BAZ2B: variants seen among roughly 807,000 people sequenced by gnomAD.
BAZ2B encodes bromodomain adjacent to zinc finger domain 2B.
A neutral mutation model predicts 246.0 loss-of-function variants in BAZ2B; 91 were observed. That is an observed-to-expected ratio of 0.37 (90% CI 0.31 to 0.44). BAZ2B has a LOEUF of 0.44. BAZ2B is among the 20% of genes least tolerant of loss of function. BAZ2B has a pLI of 1.00. For missense variants in BAZ2B, 2,332 were observed against 2,533.7 expected (o/e 0.92, Z 1.71); for synonymous variants, 855 against 860.0 (o/e 0.99, Z 0.10).
chr2:159,415,949 G>A (rs912353199), intron 13 of BAZ2B, among the ~76,000 whole-genome samples: 8 of 152,142 alleles, frequency 5.3e-5, no homozygotes, highest in South Asian at 2.1e-4. Context: ...TACAATTGAG[G>A]AAATTCAGGC....
chr2:159,454,906 A>AT (rs1414185036), intron 3 of BAZ2B, among the ~76,000 whole-genome samples: 1 of 152,192 alleles, frequency 6.6e-6, no homozygotes, highest in African/African-American at 2.4e-5. Context: ...ATGTTATATG[A>AT]TAAAAACATG....
chr2:159,386,642 C>T (rs1461099053), intron 21 of BAZ2B, 35 bp from the exon 22 acceptor site: 2 of 1,529,092 alleles, frequency 1.3e-6, no homozygotes, highest in Admixed American at 2.3e-5. Context: ...AAAATAAAAA[C>T]AGCTTAATTT....
At chr2:159,633,628 C>T in the BAZ2B span, among the ~76,000 whole-genome samples, 9 of 151,726 alleles carry the variant, frequency 5.9e-5, no homozygotes, top group African/African-American at 2.2e-4. Flanking sequence ...ATGTTTTTAT[C>T]TCATATCTGA....
chr2:159,445,327 C>T (rs139489665), intron 6 of BAZ2B, among the ~76,000 whole-genome samples: 144 of 152,220 alleles, frequency 9.5e-4, no homozygotes, highest in African/African-American at 3.2e-3. Context: ...AATAAAGTGA[C>T]CTCTAAATAA....
chr2:159,328,787 T>C (rs2064171201), intron 34 of BAZ2B, among the ~76,000 whole-genome samples: 1 of 152,278 alleles, frequency 6.6e-6, no homozygotes, highest in South Asian at 2.1e-4. Flanking sequence ...TGGCCCTCCA[T>C]ATCTGCAGGT....
At chr2:159,325,112 ATATTTTATATATATATATATATATAT>A (rs2063458929) in intron 35 of BAZ2B, among the ~76,000 whole-genome samples, 158 bp from the exon 36 acceptor site, 2 of 5,728 alleles carry the variant, frequency 3.5e-4, no homozygotes, top group African/African-American at 1.7e-3. Context: ...ATATATATAT[ATATTTTATATATATATATATATATAT>A]ATATATATAT....
At chr2:159,573,536 G>A (rs1325902975) in intron 1 of BAZ2B, among the ~76,000 whole-genome samples, 5 of 152,108 alleles carry the variant, frequency 3.3e-5, no homozygotes, top group Admixed American at 6.6e-5. Flanking sequence ...TGACCCAAAC[G>A]TAAGAGGTAA....
At chr2:159,567,387 C>T (rs913102376) in intron 1 of BAZ2B, among the ~76,000 whole-genome samples, 2 of 152,076 alleles carry the variant, frequency 1.3e-5, no homozygotes, top group Non-Finnish European at 2.9e-5. Context: ...TTACAGTATT[C>T]ATAAGGTAAA....
At chr2:159,570,027 T>C (rs1683573544) in intron 1 of BAZ2B, among the ~76,000 whole-genome samples, 1 of 152,204 alleles carries the variant, frequency 6.6e-6, no homozygotes, top group South Asian at 2.1e-4. Context: ...AACTAAGTTG[T>C]ATATATTATC....
intron 13 of BAZ2B, among the ~76,000 whole-genome samples, chr2:159,423,984 G>C (rs1044965245): frequency 6.6e-6 from 1 of 152,002 alleles, no homozygotes; most frequent in Admixed American, 6.5e-5. Flanking sequence ...TAGCAAACCT[G>C]TACACGTACC....
chr2:159,648,243 T>G, the BAZ2B span, among the ~76,000 whole-genome samples: 3 of 152,156 alleles, frequency 2.0e-5, no homozygotes, highest in Admixed American at 6.5e-5. Flanking sequence ...GTTTAAGAGA[T>G]TCTCCTGCCT....
chr2:159,598,858 G>GTAAA (rs1166875028), intron 1 of BAZ2B, among the ~76,000 whole-genome samples: 2 of 151,850 alleles, frequency 1.3e-5, no homozygotes, highest in African/African-American at 4.8e-5. Flanking sequence ...ACAAAAATAA[G>GTAAA]TAAATAAATA....
At chr2:159,500,821 G>C (rs1275033625) in intron 2 of BAZ2B, among the ~76,000 whole-genome samples, 1 of 151,808 alleles carries the variant, frequency 6.6e-6, no homozygotes, top group Non-Finnish European at 1.5e-5. Context: ...GGATGTGGTG[G>C]TGCATGCCTG....
At chr2:159,698,099 C>T in the BAZ2B span, among the ~76,000 whole-genome samples, 1 of 152,144 alleles carries the variant, frequency 6.6e-6, no homozygotes, top group Non-Finnish European at 1.5e-5. Context: ...GACTCCATTG[C>T]AAATTACTAA....
At chr2:159,620,026 C>T (rs192338030), upstream of BAZ2B, among the ~76,000 whole-genome samples, 371 of 152,292 alleles carry the variant, frequency 2.4e-3, 2 homozygotes, top group Middle Eastern at 6.8e-3. Context: ...ATTTACCTAT[C>T]CCACAGACTA....
At chr2:159,503,988 G>C (rs928639877) in intron 2 of BAZ2B, among the ~76,000 whole-genome samples, 1 of 152,078 alleles carries the variant, frequency 6.6e-6, no homozygotes, top group African/African-American at 2.4e-5. Flanking sequence ...AATGTTTTCT[G>C]AATATACTGT....
intron 14 of BAZ2B, among the ~76,000 whole-genome samples, chr2:159,409,486 T>A (rs1335986681): frequency 6.6e-6 from 1 of 152,216 alleles, no homozygotes; most frequent in African/African-American, 2.4e-5. Flanking sequence ...ACCTATATTC[T>A]GAGAAATTAG....
intron 27 of BAZ2B, among the ~76,000 whole-genome samples, chr2:159,355,353 G>T (rs2058989521): frequency 6.6e-6 from 1 of 152,118 alleles, no homozygotes; most frequent in Non-Finnish European, 1.5e-5. Flanking sequence ...GAAGGAAGAT[G>T]CTAGGAAGCA....
At chr2:159,446,427 G>A (rs2074261897) in intron 6 of BAZ2B, among the ~76,000 whole-genome samples, 1 of 152,184 alleles carries the variant, frequency 6.6e-6, no homozygotes, top group African/African-American at 2.4e-5. Flanking sequence ...ATGCACAGGA[G>A]TTAACCCACT....
Sources: gnomAD v4.1 joint callset for allele counts (sites outside exome capture counted in the v4.1 genomes callset) on GRCh38, gnomAD v4.1.1 for gene constraint, MANE v1.5 for transcripts, NCBI Gene and HGNC (gene_info 2026-07-23, HGNC 2026-07-21) for gene names.